Variants in PRKG1 observed in about 807,000 individuals in gnomAD.
PRKG1 encodes cGMP-dependent protein kinase 1.
In PRKG1, 35 loss-of-function variants were observed where a neutral mutation model predicts 88.1. That is an observed-to-expected ratio of 0.40 (90% CI 0.30 to 0.53). PRKG1 has a LOEUF of 0.53. Among genes scored for constraint, PRKG1 ranks in the 20% least tolerant of loss-of-function variants. The pLI is 0.59. For synonymous variants in PRKG1, 303 were observed against 292.5 expected (o/e 1.04, Z -0.37); for missense variants, 540 against 839.8 (o/e 0.64, Z 4.41).
intron 5 of PRKG1, among the ~76,000 whole-genome samples, chr10:51,969,542 T>G (rs1280388113): frequency 6.6e-6 from 1 of 152,124 alleles, no homozygotes; most frequent in Non-Finnish European, 1.5e-5. Flanking sequence ...CAAAGTCATA[T>G]GAAAGAACTT....
In PRKG1 at chr10:51,507,142, G is replaced by A. The variant is rs561803045; in HGVS notation, c.592+39306G>A. Among the ~76,000 whole-genome samples, 3 of 145,458 alleles carry A rather than the reference G, an allele frequency of 2.1e-5. No individual in the cohort carries two copies. In the South Asian group the frequency reaches 6.9e-4, roughly 34 times the overall value. The stretch of plus-strand genomic sequence containing the variant: ...CAGGAAGGGGAACATCACACACCTC[G>A]GCCTGTTGTGGAGTAGGGGGAGGGG... On this transcript the variant is annotated intron_variant, in intron 3 of 17. Coordinates refer to ENST00000373980, the MANE Select transcript of PRKG1 (RefSeq NM_006258.4).
intron 1 of PRKG1, among the ~76,000 whole-genome samples, chr10:51,130,966 A>G (rs898013618): frequency 6.6e-6 from 1 of 152,200 alleles, no homozygotes; most frequent in Non-Finnish European, 1.5e-5. Flanking sequence ...TAAACTGGAC[A>G]AACTGACATT....
intron 6 of PRKG1, among the ~76,000 whole-genome samples, chr10:52,059,774 T>C (rs1846192724): frequency 6.6e-6 from 1 of 151,746 alleles, no homozygotes; most frequent in African/African-American, 2.4e-5. Context: ...AATTTTACTA[T>C]ATGATAGAAG....
intron 7 of PRKG1, among the ~76,000 whole-genome samples, chr10:52,094,160 A>G (rs1847120859): frequency 6.6e-6 from 1 of 152,110 alleles, no homozygotes; most frequent in Non-Finnish European, 1.5e-5. Flanking sequence ...AAATATGGTA[A>G]ATATTCTTGT....
At chr10:51,860,261 A>C (rs959767154) in intron 4 of PRKG1, among the ~76,000 whole-genome samples, 3 of 152,220 alleles carry the variant, frequency 2.0e-5, no homozygotes, top group Non-Finnish European at 2.9e-5. Flanking sequence ...AAGTAAAAAC[A>C]CCTATTTGTC....
At chr10:52,097,955 A>AT (rs1847210749) in intron 7 of PRKG1, among the ~76,000 whole-genome samples, 1 of 152,044 alleles carries the variant, frequency 6.6e-6, no homozygotes, top group African/African-American at 2.4e-5. Flanking sequence ...AGGTTTTCTT[A>AT]TTTTTATTTG....
chr10:51,802,914 G>A (rs1046146966), intron 3 of PRKG1, among the ~76,000 whole-genome samples: 1 of 152,048 alleles, frequency 6.6e-6, no homozygotes, highest in Non-Finnish European at 1.5e-5. Context: ...GCAACACTAC[G>A]GAAAGCTCAG....
intron 3 of PRKG1, among the ~76,000 whole-genome samples, chr10:51,665,678 A>T (rs988055358): frequency 4.1e-5 from 6 of 147,878 alleles, no homozygotes; most frequent in African/African-American, 1.2e-4. Flanking sequence ...TTTTATTTTT[A>T]TTTTTTTTTT....
At chr10:51,759,659 A>G (rs1218151275) in intron 3 of PRKG1, among the ~76,000 whole-genome samples, 1 of 152,168 alleles carries the variant, frequency 6.6e-6, no homozygotes, top group African/African-American at 2.4e-5. Flanking sequence ...GAGTCTTTCA[A>G]AAAGTGCAAG....
intron 3 of PRKG1, among the ~76,000 whole-genome samples, chr10:51,797,677 T>A (rs1839052819): frequency 6.6e-6 from 1 of 151,076 alleles, no homozygotes; most frequent in Non-Finnish European, 1.5e-5. Context: ...CTAACCATTC[T>A]GAAGTGTACA....
intron 2 of PRKG1, among the ~76,000 whole-genome samples, chr10:51,336,041 C>T (rs571637648): frequency 4.6e-5 from 7 of 152,186 alleles, no homozygotes; most frequent in African/African-American, 1.4e-4. Context: ...TGTTAGAATA[C>T]CAAAAATCAA....
At chr10:51,077,562 TA>T (rs1326040480) in intron 1 of PRKG1, among the ~76,000 whole-genome samples, 1 of 152,228 alleles carries the variant, frequency 6.6e-6, no homozygotes, top group East Asian at 1.9e-4. Context: ...TTTGGTCATT[TA>T]AAAATAGTAT....
rs1397991293 is a variant in PRKG1, at chr10:52,281,033, G to A, written c.1545+103G>A. 3.7e-6 allele frequency: 5 copies of A among 1,350,914 alleles called. No homozygotes were observed. In the Admixed American group the frequency reaches 1.2e-4, roughly 32 times the overall value. The allele number at this position is 1,350,914 out of a possible 1,614,324, so 83.7% of individuals were successfully genotyped here. A position where few individuals can be genotyped will look rare whatever the true frequency, so the allele number is the denominator to read the frequency against. On this transcript the variant is annotated intron_variant, in intron 13 of 17. Transcript: ENST00000373980. The stretch of plus-strand genomic sequence containing the variant: ...TGAAATCTGAGTTTTCCTTTTCAAT[G>A]TTGTAACTTTCTTAAAAGCAGATTT...
chr10:51,619,507 A>G (rs941748498), intron 3 of PRKG1, among the ~76,000 whole-genome samples: 1 of 152,160 alleles, frequency 6.6e-6, no homozygotes, highest in African/African-American at 2.4e-5. Flanking sequence ...CTAAACTAAG[A>G]CCAATCAAAT....
chr10:51,791,294 T>A (rs1838863617), intron 3 of PRKG1, among the ~76,000 whole-genome samples: 1 of 152,140 alleles, frequency 6.6e-6, no homozygotes, highest in Non-Finnish European at 1.5e-5. Flanking sequence ...TACCACCAGT[T>A]CCTGGTATAG....
At chr10:51,984,405 A>T (rs898020463) in intron 5 of PRKG1, among the ~76,000 whole-genome samples, 1 of 152,210 alleles carries the variant, frequency 6.6e-6, no homozygotes, top group Admixed American at 6.5e-5. Flanking sequence ...TATTGACAAA[A>T]TATTTCTTTT....
intron 1 of PRKG1, among the ~76,000 whole-genome samples, chr10:51,001,070 G>T (rs745710509): frequency 4.6e-5 from 7 of 152,146 alleles, no homozygotes; most frequent in South Asian, 4.1e-4. Context: ...GTTAAAAATT[G>T]CTCACATTAA....
chr10:51,671,045 GA>G (rs1244618451), intron 3 of PRKG1, among the ~76,000 whole-genome samples: 1 of 151,902 alleles, frequency 6.6e-6, no homozygotes, highest in Admixed American at 6.6e-5. Context: ...ATATTTTAGA[GA>G]TTTTTTTATG....
intron 7 of PRKG1, among the ~76,000 whole-genome samples, chr10:52,104,493 G>T (rs2132574067): frequency 6.6e-6 from 1 of 151,204 alleles, no homozygotes; most frequent in East Asian, 1.9e-4. Context: ...TCTTAAATTT[G>T]TTCTGAAAAA....
Sources: allele counts gnomAD v4.1 joint callset (sites outside exome capture counted in the v4.1 genomes callset), GRCh38; gene constraint gnomAD v4.1.1; transcripts MANE v1.5; gene names NCBI Gene and HGNC (gene_info 2026-07-23, HGNC 2026-07-21).